OTOP2: variants seen among roughly 807,000 people sequenced by gnomAD.
OTOP2 encodes the protein otopetrin 2.
In OTOP2, 41 loss-of-function variants were observed where a neutral mutation model predicts 47.4. The ratio of observed to expected loss-of-function variants is 0.87; its 90% confidence interval spans 0.67 to 1.12. The LOEUF is 1.12. Among genes scored for constraint, OTOP2 ranks in the 50% most tolerant of loss-of-function variants. The pLI, the probability that OTOP2 is intolerant of heterozygous loss-of-function variation, is 0.00. For missense variants in OTOP2, 721 were observed against 752.2 expected, an observed-to-expected ratio of 0.96 and a Z score of 0.49; for synonymous variants, 328 against 319.6, an observed-to-expected ratio of 1.03 and a Z score of -0.28.
At position 74,925,602 on chromosome 17, in the gene OTOP2, C is replaced by G; in HGVS notation, c.360C>G (p.Phe120Leu). ...FGICTLIMDV[F>L]KTGYYSSFFE... ...TCTGCACCCTCATCATGGATGTCTT[C>G]AAGACCGGCTACTACTCCAGTTTCT... Residue 120 changes from phenylalanine (F) to leucine (L), a missense_variant, in exon 3 of 7, where the codon TTC (phenylalanine) becomes TTG (leucine). Phe to Leu is a conservative substitution (Grantham distance 22). Coordinates refer to ENST00000331427, the MANE Select transcript of OTOP2 (RefSeq NM_178160.3). The G allele has an allele frequency of 6.2e-7, 1 of 1,614,190 alleles. No homozygotes were observed. The highest frequency in any genetic ancestry group is 1.3e-5 in the African/African-American group (1 of 75,046).
chr17:74,926,255 C>T (rs2039007423), intron 3 of OTOP2, among the ~76,000 whole-genome samples: 1 of 152,348 alleles, frequency 6.6e-6, no homozygotes, highest in Non-Finnish European at 1.5e-5. Flanking sequence ...GGATGATGCC[C>T]TCCCCAGAAA....
In OTOP2 at chr17:74,927,256, G is replaced by T; in HGVS notation, c.484G>T (p.Val162Phe). ...TCTCTGGGTCTCTGCTAAAGACTGC[G>T]TTCACGTCCACCTGGATCTGACCTG... is the stretch of plus-strand genomic sequence containing the variant. The part of the protein sequence containing the change: ...YFLWVSAKDC[V>F]HVHLDLTWCG... Residue 162 changes from valine to phenylalanine, a missense_variant, in exon 4 of 7, where the codon GTT becomes TTT. Val to Phe is a conservative substitution (Grantham distance 50). Coordinates refer to ENST00000331427, the MANE Select transcript of OTOP2 (RefSeq NM_178160.3). 1 of 1,613,638 alleles carries T rather than the reference G, an allele frequency of 6.2e-7. No homozygotes were observed. Among genetic ancestry groups the T allele is most frequent in the South Asian group, 1.1e-5 (1 of 91,064 alleles).
chr17:74,927,091 A>C, intron 3 of OTOP2, 132 bp from the exon 4 acceptor site: 1 of 871,992 alleles, frequency 1.1e-6, no homozygotes, highest in Non-Finnish European at 2.0e-6. Context: ...TCATTTTGTG[A>C]AGCTAAAATG....
At chr17:74,925,928 T>C (rs1318373797) in intron 3 of OTOP2, among the ~76,000 whole-genome samples, 29 of 152,212 alleles carry the variant, frequency 1.9e-4, no homozygotes, top group Admixed American at 1.8e-3. Flanking sequence ...TATTTCAACC[T>C]AAGCAGTGCC....
chr17:74,924,635 GT>G lies in OTOP2; in HGVS notation c.4del (p.Ser2ProfsTer36). M[S>X]EELAQGPKES... The stretch of plus-strand genomic sequence containing the variant: ...AGCCTTCTCCAGTCGCCTCCGCCAT[GT>G]CCGAGGAGCTGGCCCAGGGCCCCAA... On this transcript the variant is annotated frameshift_variant, in exon 2 of 7. Coordinates refer to ENST00000331427, the MANE Select transcript of OTOP2 (RefSeq NM_178160.3). LOFTEE classifies it high-confidence loss of function. This position sits in a 1 kb window ranked among gnomAD's most constrained non-coding sequence, Gnocchi z 7.7. The G allele has an allele frequency of 6.4e-7, 1 of 1,570,414 alleles. No individual in the cohort carries two copies. Among genetic ancestry groups the G allele is most frequent in the Non-Finnish European group, 8.6e-7 (1 of 1,163,528 alleles).
Position 74,930,367 on chromosome 17 carries a change from T to A in OTOP2, c.732T>A (p.Tyr244Ter). The A allele has an allele frequency of 6.2e-7, 1 of 1,614,112 alleles. No homozygotes were observed. Among genetic ancestry groups the A allele is most frequent in the South Asian group, 1.1e-5 (1 of 91,084 alleles). The change falls in exon 6 of 7, where the codon TAT becomes TAA. Residue 244 changes from tyrosine to a stop codon, truncating the protein, a stop_gained. Coordinates refer to ENST00000331427, the MANE Select transcript of OTOP2 (RefSeq NM_178160.3). LOFTEE classifies it high-confidence loss of function. This position sits in a 1 kb window ranked among gnomAD's most constrained non-coding sequence, Gnocchi z 4.0. ...QIFQQGYFYL[Y>*]PFNIEYSLFA... ...TCCAGCAGGGGTACTTCTACCTATA[T>A]CCCTTCAACATCGAGTACAGCCTCT...
chr17:74,927,339 G>C, intron 4 of OTOP2, 58 bp downstream of exon 4: 1 of 1,549,306 alleles, frequency 6.5e-7, no homozygotes, highest in Non-Finnish European at 8.9e-7. Context: ...TTGCAGGAGA[G>C]ATTCAGGCTT....
intron 5 of OTOP2, among the ~76,000 whole-genome samples, chr17:74,929,520 G>C (rs1329644950): frequency 6.6e-6 from 1 of 152,166 alleles, no homozygotes; most frequent in African/African-American, 2.4e-5. Flanking sequence ...CTGCCTCCTG[G>C]GTTCAAGCAA....
chr17:74,933,559 G>A lies in OTOP2; in HGVS notation c.*14G>A. 3 of 1,567,874 alleles carry A rather than the reference G, an allele frequency of 1.9e-6. No individual in the cohort carries two copies. Among genetic ancestry groups the A allele is most frequent in the Admixed American group, 3.4e-5 (2 of 59,192 alleles). ...GTGCTGTCCTGAGGCCTCCAACAGA[G>A]GCATGGGGGGCAGGAAGAGGGGGCT... On this transcript the variant is annotated 3_prime_UTR_variant, in exon 7 of 7. Transcript: ENST00000331427. This position sits in a 1 kb window ranked among gnomAD's most constrained non-coding sequence, Gnocchi z 4.7.
chr17:74,931,185 G>A (rs201473640), intron 6 of OTOP2, 32 bp downstream of exon 6: 1 of 1,552,004 alleles, frequency 6.4e-7, no homozygotes, highest in African/African-American at 1.4e-5. Context: ...GGGTGGGCTT[G>A]GGAGAAGAGA....
Position 74,933,077 on chromosome 17 carries a change from C to G in OTOP2, c.1519-298C>G, listed in dbSNP as rs2039073838. On this transcript the variant is annotated intron_variant, in intron 6 of 6. Transcript: ENST00000331427. The surrounding 1 kb of genome is among the most constrained non-coding windows in gnomAD (Gnocchi z 4.7). ...CTCTTCTTCTAGAGAAACCTCTTCT[C>G]CCCTCCCCAATCCCACATTGAGGCC... 1.3e-5 allele frequency among the ~76,000 whole-genome samples: 2 copies of G among 152,056 alleles called. No individual in the cohort carries two copies. The highest frequency in any genetic ancestry group is 2.9e-5 in the Non-Finnish European group (2 of 68,008).
At position 74,931,038 on chromosome 17, in the gene OTOP2, GC is replaced by G; in HGVS notation, c.1407del (p.Ser470AlafsTer24). 2 of 1,614,138 alleles carry G rather than the reference GC, an allele frequency of 1.2e-6. No individual in the cohort carries two copies. Among genetic ancestry groups the G allele is most frequent in the Non-Finnish European group, 1.7e-6 (2 of 1,180,016 alleles). ...SACPPNPGLV[S>X]PSPSDQREAV... is the part of the protein sequence containing the mutation. ...TGCCCACCCAACCCCGGGCTGGTTA[GC>G]CCCAGCCCTTCAGACCAGCGGGAAG... On this transcript the variant is annotated frameshift_variant, in exon 6 of 7. Coordinates refer to ENST00000331427, the MANE Select transcript of OTOP2 (RefSeq NM_178160.3). LOFTEE classifies it high-confidence loss of function.
Position 74,930,863 on chromosome 17 carries a change from A to T in OTOP2, c.1228A>T (p.Met410Leu), listed in dbSNP as rs1207674643. 6.2e-7 allele frequency: 1 copy of T among 1,614,012 alleles called. No homozygotes were observed. The highest frequency in any genetic ancestry group is 8.5e-7 in the Non-Finnish European group (1 of 1,179,994). ...AGLNLTHALL[M>L]IAQHTFQNMF... is the part of the protein sequence containing the mutation. ...GCTCAACCTCACCCATGCACTGCTC[A>T]TGATCGCCCAGCACACCTTCCAGAA... Residue 410 changes from methionine (M) to leucine (L), a missense_variant, in exon 6 of 7, where the codon ATG (methionine) becomes TTG (leucine). By Grantham distance (15) the Met-to-Leu change is conservative (BLOSUM62 2). Transcript: ENST00000331427. The surrounding 1 kb of genome is among the most constrained non-coding windows in gnomAD (Gnocchi z 4.0).
At position 74,930,186 on chromosome 17, in the gene OTOP2, A is replaced by C. The variant is rs893064534; in HGVS notation, c.644-93A>C. 4.2e-6 allele frequency: 6 copies of C among 1,434,958 alleles called. No homozygotes were observed. The African/African-American group carries it at 8.6e-5, about 20-fold the overall frequency. The allele number at this position is 1,434,958 out of a possible 1,614,324, so 88.9% of individuals were successfully genotyped here. On this transcript the variant is annotated intron_variant, in intron 5 of 6. Transcript: ENST00000331427. The surrounding 1 kb of genome is among the most constrained non-coding windows in gnomAD (Gnocchi z 4.0). ...CATCAAGAGTGAAACTCCGTCTCAA[A>C]ACAAAACAAAAAAAAAAAGGTCACA...
chr17:74,927,269 T>C lies in OTOP2; in HGVS notation c.497T>C (p.Leu166Pro). ...GCTAAAGACTGCGTTCACGTCCACC[T>C]GGATCTGACCTGGTGAGAACTGCAG... is the stretch of plus-strand genomic sequence containing the variant. ...VSAKDCVHVH[L>P]DLTWCGLMFT... Residue 166 changes from leucine (L) to proline (P), a missense_variant, in exon 4 of 7, where the codon CTG (leucine) becomes CCG (proline). Leu to Pro is a moderately conservative substitution (Grantham distance 98). Coordinates refer to ENST00000331427, the MANE Select transcript of OTOP2 (RefSeq NM_178160.3). 6.2e-7 allele frequency: 1 copy of C among 1,613,072 alleles called. No homozygotes were observed. Among genetic ancestry groups the C allele is most frequent in the Non-Finnish European group, 8.5e-7 (1 of 1,179,184 alleles).
At position 74,930,349 on chromosome 17, in the gene OTOP2, G is replaced by A; in HGVS notation, c.714G>A (p.Gln238=). 1.2e-6 allele frequency: 2 copies of A among 1,614,076 alleles called. No individual in the cohort carries two copies. The highest frequency in any genetic ancestry group is 1.3e-5 in the African/African-American group (1 of 75,036). ...CGGCCGTCTGCCAGATCTTCCAGCA[G>A]GGGTACTTCTACCTATATCCCTTCA... The part of the protein sequence containing the change: ...CSTAVCQIFQ[Q]GYFYLYPFNI... Residue 238 remains glutamine, a synonymous_variant, in exon 6 of 7, where the codon CAG becomes CAA. Coordinates refer to ENST00000331427, the MANE Select transcript of OTOP2 (RefSeq NM_178160.3). This position sits in a 1 kb window ranked among gnomAD's most constrained non-coding sequence, Gnocchi z 4.0.
Position 74,924,670 on chromosome 17 carries a change from C to T in OTOP2, c.38C>T (p.Pro13Leu). Residue 13 changes from proline to leucine, a missense_variant, in exon 2 of 7, where the codon CCC (proline) becomes CTC (leucine). Coordinates refer to ENST00000331427, the MANE Select transcript of OTOP2 (RefSeq NM_178160.3). The surrounding 1 kb of genome is among the most constrained non-coding windows in gnomAD (Gnocchi z 7.7). Reference sequence around the variant, plus strand: ...CTGGCCCAGGGCCCCAAGGAGAGCCCCCCGGCGCCGCGTGCGGGCCCCAGG... The same window carrying T: ...CTGGCCCAGGGCCCCAAGGAGAGCCTCCCGGCGCCGCGTGCGGGCCCCAGG... ...EELAQGPKES[P>L]PAPRAGPREV... The T allele has an allele frequency of 1.3e-6, 2 of 1,593,602 alleles. No individual in the cohort carries two copies. The highest frequency in any genetic ancestry group is 4.5e-5 in the East Asian group (2 of 44,490).
Position 74,927,712 on chromosome 17 carries a change from C to T in OTOP2, c.557C>T (p.Ala186Val), listed in dbSNP as rs773306003. The change falls in exon 5 of 7, where the codon GCG becomes GTG. Residue 186 changes from alanine (A) to valine (V), a missense_variant. Transcript: ENST00000331427. ...ACCACCAACCTGGCCATCTGGATGG[C>T]GGCCGTGGTGGATGAATCTGTGCAC... ...TLTTNLAIWM[A>V]AVVDESVHQS... is the part of the protein sequence containing the mutation. 4.9e-5 allele frequency: 79 copies of T among 1,614,040 alleles called. No individual in the cohort carries two copies. Among genetic ancestry groups the T allele is most frequent in the Admixed American group, 6.7e-5 (4 of 60,000 alleles).
rs1010467397 is a variant in OTOP2 at position 74,933,740 on chromosome 17, A to G, written c.*195A>G. 16 of 590,114 alleles carry G rather than the reference A, an allele frequency of 2.7e-5. No individual in the cohort carries two copies. In the African/African-American group the frequency reaches 2.9e-4, roughly 11 times the overall value. 36.6% of individuals were successfully genotyped at this position (590,114 alleles called of 1,614,324 possible). On this transcript the variant is annotated 3_prime_UTR_variant, in exon 7 of 7. Transcript: ENST00000331427. The surrounding 1 kb of genome is among the most constrained non-coding windows in gnomAD (Gnocchi z 4.7). ...CAGTCAGGACAGGCCCATCCACCCC[A>G]GTATGACCGTGGGGCATGAGGTGAC...
Sources: allele counts gnomAD v4.1 joint callset (sites outside exome capture counted in the v4.1 genomes callset), GRCh38; gene constraint gnomAD v4.1.1; non-coding constraint Gnocchi (gnomAD v3.1); transcripts MANE v1.5; gene names NCBI Gene and HGNC (gene_info 2026-07-23, HGNC 2026-07-21).